The following ZNF407 variants were observed in gnomAD, a reference collection of about 807,000 sequenced individuals.
ZNF407 encodes zinc finger protein 407.
In ZNF407, 17 loss-of-function variants were observed where a neutral mutation model predicts 131.2. That is an observed-to-expected ratio of 0.13 (90% confidence interval 0.09 to 0.19). The LOEUF is 0.19. Ranked by LOEUF, ZNF407 falls within the 10% of genes least tolerant of loss-of-function variation. The pLI is 1.00. For synonymous variants in ZNF407, 1,156 were observed against 1,062.0 expected (o/e 1.09, Z -1.72); for missense variants, 2,681 against 2,830.6 (o/e 0.95, Z 1.20).
intron 8 of ZNF407, among the ~76,000 whole-genome samples, chr18:74,941,961 C>A (rs1320473362): frequency 2.6e-5 from 4 of 152,118 alleles, no homozygotes; most frequent in African/African-American, 9.7e-5. Flanking sequence ...AGAATAAAAT[C>A]GGTTAGACTA....
chr18:74,910,393 C>T (rs1270065075), intron 7 of ZNF407, among the ~76,000 whole-genome samples: 1 of 152,054 alleles, frequency 6.6e-6, no homozygotes, highest in Non-Finnish European at 1.5e-5. Flanking sequence ...GGTGGACTCT[C>T]CCTCCAGCTC....
intron 3 of ZNF407, among the ~76,000 whole-genome samples, chr18:74,733,787 T>C (rs2144901316): frequency 6.6e-6 from 1 of 152,354 alleles, no homozygotes; most frequent in South Asian, 2.1e-4. Context: ...TAACAGGACT[T>C]TGGTCACAAG....
chr18:74,899,036 T>C (rs1971489006), intron 7 of ZNF407, among the ~76,000 whole-genome samples: 1 of 152,214 alleles, frequency 6.6e-6, no homozygotes, highest in African/African-American at 2.4e-5. Context: ...CGGACAAGCC[T>C]GGATTGTAGG....
In ZNF407 at chr18:75,063,499, CGG is replaced by C. The variant is rs1186180677; in HGVS notation, c.5779_5780del (p.Gly1927ThrfsTer9). The C allele has an allele frequency of 6.3e-7, 1 of 1,591,516 alleles. No individual in the cohort carries two copies. Among genetic ancestry groups the C allele is most frequent in the African/African-American group, 1.3e-5 (1 of 74,492 alleles). ...GGGCACATGTAGGCAGCGTGGTGCC[CGG>C]ACCCATCCTCCCCGAGCAGCTGGCT... ...SGAHVGSVVP[G>X]PILPEQLADG... On this transcript the variant is annotated frameshift_variant, in exon 9 of 9. Transcript: ENST00000299687. LOFTEE classifies it low-confidence loss of function (END_TRUNC). This position sits in a 1 kb window ranked among gnomAD's most constrained non-coding sequence, Gnocchi z 6.6.
At chr18:74,958,321 A>G (rs1972299834) in intron 8 of ZNF407, among the ~76,000 whole-genome samples, 1 of 152,184 alleles carries the variant, frequency 6.6e-6, no homozygotes, top group Non-Finnish European at 1.5e-5. Flanking sequence ...AGGTTGTTTA[A>G]GATAAAGGTT....
intron 8 of ZNF407, among the ~76,000 whole-genome samples, chr18:74,958,694 G>A (rs1972305035): frequency 6.6e-6 from 1 of 152,162 alleles, no homozygotes; most frequent in South Asian, 2.1e-4. Flanking sequence ...CCTCACTGAT[G>A]GTGTCATATA....
At chr18:74,616,725 C>G (rs1228909407) in intron 1 of ZNF407, among the ~76,000 whole-genome samples, 3 of 151,980 alleles carry the variant, frequency 2.0e-5, no homozygotes, top group Admixed American at 6.6e-5. Context: ...CTTGCTCATT[C>G]ATGTCCACGC....
chr18:74,634,282 C>G lies in ZNF407; in HGVS notation c.3263C>G (p.Ala1088Gly). The G allele has an allele frequency of 1.2e-6, 2 of 1,614,004 alleles. No homozygotes were observed. The highest frequency in any genetic ancestry group is 1.7e-6 in the Non-Finnish European group (2 of 1,179,896). ...LNSANVEAGS[A>G]DMSKNIIMPE... ...TCTGCTAATGTAGAAGCTGGTTCTG[C>G]AGACATGTCCAAAAACATCATTATG... The change falls in exon 2 of 9, where the codon GCA (alanine) becomes GGA (glycine). Residue 1088 changes from alanine to glycine, a missense_variant. Physicochemically the swap from Ala to Gly is moderately conservative, Grantham distance 60. Coordinates refer to ENST00000299687, the MANE Select transcript of ZNF407 (RefSeq NM_017757.3).
At chr18:74,904,323 A>G (rs1205658108) in intron 7 of ZNF407, among the ~76,000 whole-genome samples, 2 of 152,208 alleles carry the variant, frequency 1.3e-5, no homozygotes, top group Admixed American at 6.5e-5. Flanking sequence ...CTCCTTCTTT[A>G]TACCAGCAAT....
At chr18:74,648,031 A>G (rs1245523764) in intron 3 of ZNF407, among the ~76,000 whole-genome samples, 1 of 152,176 alleles carries the variant, frequency 6.6e-6, no homozygotes, top group East Asian at 1.9e-4. Flanking sequence ...GTATGTGACT[A>G]ACTGGGGGAA....
intron 4 of ZNF407, among the ~76,000 whole-genome samples, chr18:74,873,665 C>T (rs1408583748): frequency 1.3e-5 from 2 of 151,646 alleles, no homozygotes; most frequent in African/African-American, 4.8e-5. Context: ...GAGCAGTGAT[C>T]ATACCACTGC....
At chr18:74,852,400 G>A (rs1349714176) in intron 4 of ZNF407, among the ~76,000 whole-genome samples, 3 of 152,066 alleles carry the variant, frequency 2.0e-5, no homozygotes, top group Admixed American at 6.5e-5. Context: ...ACAACTAGCT[G>A]TATCAAACTA....
At chr18:74,981,186 C>T (rs994822503) in intron 8 of ZNF407, among the ~76,000 whole-genome samples, 3 of 152,216 alleles carry the variant, frequency 2.0e-5, no homozygotes, top group African/African-American at 7.2e-5. Context: ...ACTCAACGCC[C>T]AAGGGCACAG....
At chr18:74,837,445 G>A (rs1970573796) in intron 4 of ZNF407, among the ~76,000 whole-genome samples, 1 of 150,974 alleles carries the variant, frequency 6.6e-6, no homozygotes, top group Admixed American at 6.6e-5. Context: ...AATAATGCCT[G>A]TTAGTACTGG....
chr18:74,778,544 AGGGAC>A (rs1478992885), intron 3 of ZNF407, among the ~76,000 whole-genome samples: 1 of 152,006 alleles, frequency 6.6e-6, no homozygotes, highest in Non-Finnish European at 1.5e-5. Flanking sequence ...TTTTGAGGGC[AGGGAC>A]TTTTATTTGT....
intron 8 of ZNF407, among the ~76,000 whole-genome samples, chr18:74,959,198 G>A (rs1972310643): frequency 6.6e-6 from 1 of 152,184 alleles, no homozygotes; most frequent in Non-Finnish European, 1.5e-5. Context: ...TTGTCCTCCA[G>A]ATAGATTTTC....
At chr18:74,653,902 G>A (rs1985337318) in intron 3 of ZNF407, among the ~76,000 whole-genome samples, 1 of 151,718 alleles carries the variant, frequency 6.6e-6, no homozygotes, top group South Asian at 2.1e-4. Context: ...GTGTTATCAT[G>A]AACATGCTAA....
intron 1 of ZNF407, among the ~76,000 whole-genome samples, chr18:74,629,362 A>G (rs1282680257): frequency 6.6e-6 from 1 of 152,146 alleles, no homozygotes; most frequent in African/African-American, 2.4e-5. Flanking sequence ...GAAGAAATGT[A>G]TTTCATATTC....
chr18:75,022,677 C>T (rs1286224325), intron 8 of ZNF407, among the ~76,000 whole-genome samples: 1 of 152,062 alleles, frequency 6.6e-6, no homozygotes, highest in Non-Finnish European at 1.5e-5. Context: ...ATTAGACAGT[C>T]AAGAAACAAC....
Sources: allele counts gnomAD v4.1 joint callset (sites outside exome capture counted in the v4.1 genomes callset), GRCh38; gene constraint gnomAD v4.1.1; non-coding constraint Gnocchi (gnomAD v3.1); transcripts MANE v1.5; gene names NCBI Gene and HGNC (gene_info 2026-07-23, HGNC 2026-07-21).